HMGN5: variants seen among roughly 807,000 people sequenced by gnomAD.
HMGN5 encodes high mobility group nucleosome binding domain 5.
In HMGN5, 4 loss-of-function variants were observed where a neutral mutation model predicts 9.5. That is an observed-to-expected ratio of 0.42 (90% CI 0.21 to 0.96). HMGN5 has a LOEUF of 0.96. HMGN5 is among the 40% of genes least tolerant of loss of function. The pLI, the probability that HMGN5 is intolerant of heterozygous loss-of-function variation, is 0.30. For missense variants in HMGN5, 192 were observed against 187.5 expected (o/e 1.02, Z -0.14); for synonymous variants, 55 against 57.1 (o/e 0.96, Z 0.16).
chrX:81,150,802 CT>C (rs1001939980), intron 1 of HMGN5, among the ~76,000 whole-genome samples: 10 of 111,163 alleles, frequency 9.0e-5, no homozygotes, highest in African/African-American at 3.3e-4. Context: ...ACAATTGACA[CT>C]GTAGAAATTC....
intron 1 of HMGN5, among the ~76,000 whole-genome samples, chrX:81,128,594 T>C (rs1244257785): frequency 2.7e-5 from 3 of 111,527 alleles, no homozygotes; most frequent in Non-Finnish European, 1.9e-5. Context: ...TCTAAATTTA[T>C]TGTAAGATTG....
chrX:81,138,446 T>C (rs978309704), intron 1 of HMGN5, among the ~76,000 whole-genome samples: 4 of 111,674 alleles, frequency 3.6e-5, no homozygotes, highest in East Asian at 2.8e-4. Flanking sequence ...ATTCCACAGA[T>C]ATTGATGATA....
At chrX:81,123,043 A>G (rs969972303) in intron 1 of HMGN5, among the ~76,000 whole-genome samples, 2 of 111,356 alleles carry the variant, frequency 1.8e-5, no homozygotes, top group African/African-American at 6.5e-5. Context: ...TTTAGGAAGA[A>G]TTCATTTGTG....
chrX:81,150,131 G>T lies in HMGN5; in HGVS notation c.-123-28459C>A, dbSNP rs183570390. ...ACATTCTTTTCCTCAGCACATAAAT[G>T]ATTCTCAAGAATAGACCATATGTTA... On this transcript the variant is annotated intron_variant, in intron 1 of 6. Coordinates refer to ENST00000358130, the MANE Select transcript of HMGN5 (RefSeq NM_030763.3). Among the ~76,000 whole-genome samples the T allele has an allele frequency of 5.3e-5, 6 of 112,388 alleles. No individual in the cohort carries two copies. In the Admixed American group the frequency reaches 5.7e-4, roughly 11 times the overall value.
At chrX:81,152,678 T>A (rs375148799) in intron 1 of HMGN5, among the ~76,000 whole-genome samples, 1 of 110,442 alleles carries the variant, frequency 9.1e-6, no homozygotes, top group African/African-American at 3.3e-5. Flanking sequence ...TCATGCTGCT[T>A]TAAAGACACA....
At chrX:81,142,597 A>C (rs968535691) in intron 1 of HMGN5, among the ~76,000 whole-genome samples, 7 of 112,087 alleles carry the variant, frequency 6.2e-5, no homozygotes, top group African/African-American at 2.3e-4. Flanking sequence ...GGAAAAAAAA[A>C]CTTTTATCCT....
intron 1 of HMGN5, among the ~76,000 whole-genome samples, chrX:81,191,023 C>A (rs1380876404): frequency 9.0e-6 from 1 of 111,433 alleles, no homozygotes; most frequent in Non-Finnish European, 1.9e-5. Context: ...TGTTCTTTTC[C>A]TTCAATATTG....
At chrX:81,155,511 A>G (rs1294337283) in intron 1 of HMGN5, among the ~76,000 whole-genome samples, 2 of 110,177 alleles carry the variant, frequency 1.8e-5, no homozygotes, top group East Asian at 2.8e-4. Context: ...AAAAACTCAA[A>G]TGTCCTTCAA....
chrX:81,138,616 G>A (rs752568105), intron 1 of HMGN5, among the ~76,000 whole-genome samples: 1 of 111,438 alleles, frequency 9.0e-6, no homozygotes, highest in East Asian at 2.8e-4. Context: ...TCTTAACACT[G>A]TGCGGGAAGT....
chrX:81,150,945 A>C (rs2075360155), intron 1 of HMGN5, among the ~76,000 whole-genome samples: 1 of 112,060 alleles, frequency 8.9e-6, no homozygotes, highest in Non-Finnish European at 1.9e-5. Flanking sequence ...CCTGAACAGA[A>C]CAACAAGTAA....
chrX:81,152,855 T>C (rs1457521388), intron 1 of HMGN5, among the ~76,000 whole-genome samples: 2 of 107,970 alleles, frequency 1.9e-5, no homozygotes, highest in Non-Finnish European at 3.8e-5. Context: ...GGGACATGGA[T>C]GAAATTGGAA....
chrX:81,180,197 A>G lies in HMGN5; in HGVS notation c.-124+21540T>C, dbSNP rs756145558. 1.3e-4 allele frequency among the ~76,000 whole-genome samples: 15 copies of G among 111,960 alleles called. No individual in the cohort carries two copies. The Middle Eastern group carries it at 0.014, about 104-fold the overall frequency. On this transcript the variant is annotated intron_variant, in intron 1 of 6. Coordinates refer to ENST00000358130, the MANE Select transcript of HMGN5 (RefSeq NM_030763.3). ...GCAATGGCAACAAAAGCCAAAATTGACAAACGGGATCTAATTAAACTAAAG... is the reference window on the plus strand; with the variant it reads ...GCAATGGCAACAAAAGCCAAAATTGGCAAACGGGATCTAATTAAACTAAAG...
intron 1 of HMGN5, among the ~76,000 whole-genome samples, chrX:81,177,335 G>C (rs192518323): frequency 6.5e-4 from 51 of 78,875 alleles, no homozygotes; most frequent in African/African-American, 2.5e-3. Context: ...AAAATAAAGG[G>C]ATGGAGGAAG....
At chrX:81,178,577 A>G (rs762914704) in intron 1 of HMGN5, among the ~76,000 whole-genome samples, 1 of 111,503 alleles carries the variant, frequency 9.0e-6, no homozygotes, top group South Asian at 3.8e-4. Context: ...ACAACCATAA[A>G]AAGTCCAGGA....
At chrX:81,190,355 A>G (rs1406933653) in intron 1 of HMGN5, among the ~76,000 whole-genome samples, 1 of 110,811 alleles carries the variant, frequency 9.0e-6, no homozygotes, top group Non-Finnish European at 1.9e-5. Flanking sequence ...AAAGGGTACA[A>G]TCTAATAGTT....
chrX:81,200,476 G>C (rs919340397), intron 1 of HMGN5, among the ~76,000 whole-genome samples: 7 of 112,267 alleles, frequency 6.2e-5, no homozygotes, highest in African/African-American at 2.3e-4. Flanking sequence ...CCCAGTGATA[G>C]ACTGGATTAA....
chrX:81,174,367 A>C (rs1021976467), intron 1 of HMGN5, among the ~76,000 whole-genome samples: 1 of 111,640 alleles, frequency 9.0e-6, no homozygotes, highest in Admixed American at 9.5e-5. Context: ...TTAAAGATGG[A>C]AAGAGATATT....
At chrX:81,168,605 C>A (rs1039272986) in intron 1 of HMGN5, among the ~76,000 whole-genome samples, 2 of 111,654 alleles carry the variant, frequency 1.8e-5, no homozygotes, top group African/African-American at 6.5e-5. Flanking sequence ...GTACCAGTAA[C>A]TTCAAGATGG....
intron 1 of HMGN5, among the ~76,000 whole-genome samples, chrX:81,152,123 C>A (rs1273186060): frequency 1.8e-5 from 2 of 111,459 alleles, no homozygotes; most frequent in Admixed American, 1.9e-4. Context: ...GCAATGGCAA[C>A]AAAAGCCAAA....
Sources: gnomAD v4.1 joint callset for allele counts (sites outside exome capture counted in the v4.1 genomes callset) on GRCh38, gnomAD v4.1.1 for gene constraint, MANE v1.5 for transcripts, NCBI Gene and HGNC (gene_info 2026-07-23, HGNC 2026-07-21) for gene names.